DCDC1: variants seen among roughly 807,000 people sequenced by gnomAD.
DCDC1 encodes the protein doublecortin domain containing 1, also known as doublecortin domain-containing protein 1.
Under a neutral mutation model 178.3 loss-of-function variants are expected in DCDC1, and 200 were observed. The observed-to-expected ratio is 1.12, with a 90% confidence interval of 1.00 to 1.26. The LOEUF is 1.26. Ranked by LOEUF, DCDC1 falls within the 50% of genes most tolerant of loss-of-function variation. DCDC1 has a pLI of 0.00. For missense variants in DCDC1, 1,983 were observed against 1,749.2 expected, an observed-to-expected ratio of 1.13 and a Z score of -2.38; for synonymous variants, 690 against 604.8, an observed-to-expected ratio of 1.14 and a Z score of -2.07.
intron 23 of DCDC1, among the ~76,000 whole-genome samples, chr11:30,923,401 CTT>C (rs10637054): frequency 2.1e-4 from 27 of 130,552 alleles, no homozygotes; most frequent in East Asian, 1.5e-3. Flanking sequence ...TCCTCTTCTC[CTT>C]TTTTTTTTTT....
chr11:31,242,758 G>C (rs1977319570), intron 8 of DCDC1, among the ~76,000 whole-genome samples: 1 of 151,866 alleles, frequency 6.6e-6, no homozygotes, highest in African/African-American at 2.4e-5. Context: ...CTGCTGAGAG[G>C]CTGAGTTATG....
chr11:31,365,403 A>G (rs1951909009), intron 1 of DCDC1, among the ~76,000 whole-genome samples: 1 of 152,186 alleles, frequency 6.6e-6, no homozygotes, highest in Non-Finnish European at 1.5e-5. Context: ...AAAATCCTAA[A>G]ATTCAGAAAT....
At chr11:31,069,733 A>C (rs757711400) in intron 18 of DCDC1, among the ~76,000 whole-genome samples, 3 of 152,212 alleles carry the variant, frequency 2.0e-5, no homozygotes, top group Non-Finnish European at 2.9e-5. Context: ...TAGTAGCTTC[A>C]TCCTCTAATA....
chr11:31,066,894 G>A (rs1286632334), intron 18 of DCDC1, among the ~76,000 whole-genome samples: 1 of 152,154 alleles, frequency 6.6e-6, no homozygotes, highest in Non-Finnish European at 1.5e-5. Context: ...AGGTTCACCA[G>A]TTATAACAAA....
In DCDC1 at chr11:31,074,386, T is replaced by C. The variant is rs570551348; in HGVS notation, c.2298+3479A>G. Reference sequence around the variant, plus strand: ...TGTTGAAACTTAATTGCCAATGTGATAGTATTAAGAGGTAGGGCCTTTATG... The same window carrying C: ...TGTTGAAACTTAATTGCCAATGTGACAGTATTAAGAGGTAGGGCCTTTATG... On this transcript the variant is annotated intron_variant, in intron 18 of 38. Coordinates refer to ENST00000684477, the MANE Select transcript of DCDC1 (RefSeq NM_001387274.1). Among the ~76,000 whole-genome samples, 24 of 152,236 alleles carry C rather than the reference T, an allele frequency of 1.6e-4. No homozygotes were observed. In the South Asian group the frequency reaches 4.4e-3, roughly 28 times the overall value.
chr11:31,119,725 T>C (rs1395639368), intron 11 of DCDC1, among the ~76,000 whole-genome samples: 2 of 152,208 alleles, frequency 1.3e-5, no homozygotes, highest in Non-Finnish European at 2.9e-5. Flanking sequence ...TCAACTTCTT[T>C]CATGGTGCTT....
chr11:30,938,021 C>A (rs1947384459), intron 21 of DCDC1, among the ~76,000 whole-genome samples: 1 of 152,068 alleles, frequency 6.6e-6, no homozygotes, highest in Non-Finnish European at 1.5e-5. Context: ...TCAATGGCCT[C>A]ATTGCACCCT....
chr11:30,915,672 A>G lies in DCDC1; in HGVS notation c.3492T>C (p.His1164=), dbSNP rs1945780172. 12 of 1,613,800 alleles carry G rather than the reference A, an allele frequency of 7.4e-6. No individual in the cohort carries two copies. The highest frequency in any genetic ancestry group is 1.0e-5 in the Non-Finnish European group (12 of 1,179,854). ...PKHSKLHKHC[H]QQFEYRDGQI... ...GCCCATCTCTGTATTCGAACTGCTGATGACAATGCTTGTGCAATTTACTAT... is the reference window on the plus strand; with the variant it reads ...GCCCATCTCTGTATTCGAACTGCTGGTGACAATGCTTGTGCAATTTACTAT... The change falls in exon 27 of 39, where the codon CAT becomes CAC. Residue 1164 remains histidine, a synonymous_variant. Transcript: ENST00000684477.
intron 9 of DCDC1, among the ~76,000 whole-genome samples, chr11:31,164,098 A>T (rs1297365860): frequency 1.3e-5 from 2 of 152,180 alleles, no homozygotes; most frequent in Non-Finnish European, 1.5e-5. Context: ...AGGAAGAGAA[A>T]TCTTTATGAG....
chr11:31,090,570 A>G (rs1309474910), intron 17 of DCDC1, among the ~76,000 whole-genome samples: 1 of 152,188 alleles, frequency 6.6e-6, no homozygotes, highest in African/African-American at 2.4e-5. Flanking sequence ...TGTTAGAGTA[A>G]GCAGTGCAGA....
In DCDC1 at chr11:31,080,208, A is replaced by C. The variant is rs1957093416; in HGVS notation, c.2238-2283T>G. Among the ~76,000 whole-genome samples, 3 of 152,210 alleles carry C rather than the reference A, an allele frequency of 2.0e-5. No homozygotes were observed. In the South Asian group the frequency reaches 6.2e-4, roughly 32 times the overall value. Reference sequence around the variant, plus strand: ...GTTATGATAATAATGATTATCCAAGAAAAAACAGACTGTGAGAATTTGAAT... The same window carrying C: ...GTTATGATAATAATGATTATCCAAGCAAAAACAGACTGTGAGAATTTGAAT... On this transcript the variant is annotated intron_variant, in intron 17 of 38. Transcript: ENST00000684477.
At chr11:31,067,101 A>C (rs1403904000) in intron 18 of DCDC1, among the ~76,000 whole-genome samples, 1 of 152,220 alleles carries the variant, frequency 6.6e-6, no homozygotes, top group Non-Finnish European at 1.5e-5. Context: ...ATTGTACTAC[A>C]TCAAAATTTT....
intron 20 of DCDC1, among the ~76,000 whole-genome samples, chr11:30,969,839 C>T (rs1440952787): frequency 1.3e-5 from 2 of 152,080 alleles, no homozygotes; most frequent in South Asian, 2.1e-4. Flanking sequence ...ACTGGTAATA[C>T]TTGCATTATG....
At chr11:31,043,589 T>A (rs921285705) in intron 20 of DCDC1, among the ~76,000 whole-genome samples, 12 of 151,970 alleles carry the variant, frequency 7.9e-5, no homozygotes, top group African/African-American at 2.7e-4. Context: ...TAAACAGACA[T>A]TGGTTATGTT....
At chr11:31,179,898 AG>A (rs1391622207) in intron 9 of DCDC1, among the ~76,000 whole-genome samples, 2 of 152,248 alleles carry the variant, frequency 1.3e-5, no homozygotes, top group Non-Finnish European at 2.9e-5. Context: ...ACAAGATATT[AG>A]CAAGCCAAAT....
At chr11:31,198,790 C>T (rs1970976180) in intron 9 of DCDC1, among the ~76,000 whole-genome samples, 1 of 152,004 alleles carries the variant, frequency 6.6e-6, no homozygotes, top group Admixed American at 6.6e-5. Flanking sequence ...ATTTTCATTA[C>T]TCTTCACACC....
At chr11:31,195,202 T>C (rs1433266444) in intron 9 of DCDC1, among the ~76,000 whole-genome samples, 1 of 152,074 alleles carries the variant, frequency 6.6e-6, no homozygotes, top group Non-Finnish European at 1.5e-5. Flanking sequence ...AATTGTGATA[T>C]AGCGAAGAGT....
At chr11:31,357,007 T>C (rs1591846959) in intron 1 of DCDC1, among the ~76,000 whole-genome samples, 1 of 150,918 alleles carries the variant, frequency 6.6e-6, no homozygotes, top group Non-Finnish European at 1.5e-5. Flanking sequence ...CTACCAGAGG[T>C]ACAAGGAGGA....
chr11:31,060,895 A>C (rs1460882644), intron 20 of DCDC1, among the ~76,000 whole-genome samples: 1 of 152,176 alleles, frequency 6.6e-6, no homozygotes, highest in Admixed American at 6.6e-5. Context: ...AGCACATTTT[A>C]ATTGAAAAAA....
Sources: allele counts gnomAD v4.1 joint callset (sites outside exome capture counted in the v4.1 genomes callset), GRCh38; gene constraint gnomAD v4.1.1; transcripts MANE v1.5; gene names NCBI Gene and HGNC (gene_info 2026-07-23, HGNC 2026-07-21).